Variants in CDH7 observed in about 807,000 individuals in gnomAD.
CDH7 encodes cadherin-7.
CDH7 carries 25 observed loss-of-function variants against 71.8 expected under a neutral mutation model. That is an observed-to-expected ratio of 0.35 (90% CI 0.25 to 0.49). The LOEUF is 0.49. Ranked by LOEUF, CDH7 falls within the 20% of genes least tolerant of loss-of-function variation. CDH7 has a pLI of 0.99. For synonymous variants in CDH7, 381 were observed against 363.8 expected, an observed-to-expected ratio of 1.05 and a Z score of -0.54; for missense variants, 862 against 974.6, an observed-to-expected ratio of 0.88 and a Z score of 1.54.
chr18:65,756,557 TAA>T (rs1310209311), intron 1 of CDH7, among the ~76,000 whole-genome samples: 3 of 152,338 alleles, frequency 2.0e-5, no homozygotes, highest in Admixed American at 2.0e-4. Context: ...TGTTATATAT[TAA>T]GTCTATTTCA....
intron 7 of CDH7, among the ~76,000 whole-genome samples, chr18:65,851,264 T>TAC (rs372614434): frequency 2.3e-4 from 35 of 150,958 alleles, no homozygotes; most frequent in East Asian, 1.4e-3. Context: ...CTTACAGCAA[T>TAC]ACACACACAC....
chr18:65,845,928 CT>C (rs1470607085), intron 7 of CDH7, among the ~76,000 whole-genome samples: 1 of 151,832 alleles, frequency 6.6e-6, no homozygotes, highest in Non-Finnish European at 1.5e-5. Flanking sequence ...AGTGAGACCC[CT>C]GTCTCTAAAA....
Position 65,855,471 on chromosome 18 carries a change from T to A in CDH7, c.1236-2345T>A, listed in dbSNP as rs548461749. Reference sequence around the variant, plus strand: ...TAAACAAATCTACTGACATAAGTTTTATAATTTCAATGAAATTAGGCAATT... The same window carrying A: ...TAAACAAATCTACTGACATAAGTTTAATAATTTCAATGAAATTAGGCAATT... On this transcript the variant is annotated intron_variant, in intron 7 of 11. Coordinates refer to ENST00000397968, the MANE Select transcript of CDH7 (RefSeq NM_004361.5). Among the ~76,000 whole-genome samples the A allele has an allele frequency of 2.6e-5, 4 of 152,136 alleles. No homozygotes were observed. In the East Asian group the frequency reaches 7.7e-4, roughly 29 times the overall value.
At chr18:65,805,683 C>T (rs143466017) in intron 2 of CDH7, among the ~76,000 whole-genome samples, 3 of 152,294 alleles carry the variant, frequency 2.0e-5, no homozygotes, top group South Asian at 2.1e-4. Flanking sequence ...GCTGGACCAT[C>T]GGGAAGCTCC....
At chr18:65,815,817 T>C (rs760230702) in intron 4 of CDH7, among the ~76,000 whole-genome samples, 1 of 152,194 alleles carries the variant, frequency 6.6e-6, no homozygotes, top group Non-Finnish European at 1.5e-5. Context: ...GACTGAATGA[T>C]AGATCTGAGA....
intron 2 of CDH7, among the ~76,000 whole-genome samples, chr18:65,802,926 C>T (rs4633822): frequency 0.59 from 90,078 of 151,510 alleles, 28,654 homozygotes; most frequent in East Asian, 0.97. Flanking sequence ...ATGTCATAGG[C>T]ACAGATCCTT....
chr18:65,888,525 A>T lies in CDH7; in HGVS notation c.*7631A>T, dbSNP rs928582295. On this transcript the variant is annotated 3_prime_UTR_variant, in exon 12 of 12. Coordinates refer to ENST00000397968, the MANE Select transcript of CDH7 (RefSeq NM_004361.5). ...CAACTCGGTACAGAAAATGAGTATC[A>T]TTGTAATTAAAGTTTGATATTTTCT... 1 of 152,118 alleles carries T rather than the reference A, an allele frequency of 6.6e-6. No homozygotes were observed. The highest frequency in any genetic ancestry group is 1.5e-5 in the Non-Finnish European group (1 of 68,020). The allele number at this position is 152,118 out of a possible 1,614,324, so 9.4% of individuals were successfully genotyped here.
rs1555680614 is a variant in CDH7, at chr18:65,763,594, G to GTGTGT, written c.210+542_210+543insTGTGT. Reference sequence around the variant, plus strand: ...CTTAGCAGTCTTGTTTTGATAGGGGGGTGTGTGTGTGTGTGTGTGTGTGTG... The same window carrying GTGTGT: ...CTTAGCAGTCTTGTTTTGATAGGGGGTGTGTGTGTGTGTGTGTGTGTGTGTGTGTG... On this transcript the variant is annotated intron_variant, in intron 2 of 11. Transcript: ENST00000397968. 7.4e-3 allele frequency among the ~76,000 whole-genome samples: 735 copies of GTGTGT among 99,198 alleles called. 7 individuals are homozygous for GTGTGT. Among genetic ancestry groups the GTGTGT allele is most frequent in the African/African-American group, 0.031 (662 of 21,430 alleles). The allele number at this position is 99,198 out of a possible 152,430, so 65.1% of individuals were successfully genotyped here.
chr18:65,823,389 C>T (rs1912008880), intron 5 of CDH7, among the ~76,000 whole-genome samples: 1 of 151,820 alleles, frequency 6.6e-6, no homozygotes, highest in African/African-American at 2.4e-5. Flanking sequence ...AAATGAACTG[C>T]TTTCCTTTTG....
intron 2 of CDH7, among the ~76,000 whole-genome samples, chr18:65,781,023 A>G (rs932596450): frequency 6.7e-6 from 1 of 148,876 alleles, no homozygotes; most frequent in South Asian, 2.1e-4. Flanking sequence ...CTTGAGTCGC[A>G]TATGTTCTTC....
chr18:65,799,492 G>A (rs1353862943), intron 2 of CDH7, among the ~76,000 whole-genome samples: 8 of 152,106 alleles, frequency 5.3e-5, no homozygotes, highest in South Asian at 2.1e-4. Flanking sequence ...CCTGGCTAAA[G>A]AGGTGAAACC....
At chr18:65,845,098 G>A (rs966804038) in intron 7 of CDH7, among the ~76,000 whole-genome samples, 12 of 150,244 alleles carry the variant, frequency 8.0e-5, no homozygotes, top group African/African-American at 2.5e-4. Flanking sequence ...TTAAAAAGCC[G>A]ATAATGTTGT....
rs9960374 is a variant in CDH7 at position 65,871,492 on chromosome 18, C to T, written c.1864+8575C>T. On this transcript the variant is annotated intron_variant, in intron 11 of 11. Coordinates refer to ENST00000397968, the MANE Select transcript of CDH7 (RefSeq NM_004361.5). ...TAGGCAGGAGCCATGGGCTGAGGGACGGGACTTGAGGCATATTCTTGGTTA... is the reference window on the plus strand; with the variant it reads ...TAGGCAGGAGCCATGGGCTGAGGGATGGGACTTGAGGCATATTCTTGGTTA... Among the ~76,000 whole-genome samples the T allele has an allele frequency of 2.1e-3, 319 of 152,078 alleles. 4 individuals carry two copies. Among genetic ancestry groups the T allele is most frequent in the African/African-American group, 7.0e-3 (291 of 41,510 alleles).
chr18:65,883,215 A>G lies in CDH7; in HGVS notation c.*2321A>G, dbSNP rs1452597553. ...ATGAATACAGTATTACATTTCATTC[A>G]GTGGTATTTTTTAATTAAAAAAATT... On this transcript the variant is annotated 3_prime_UTR_variant, in exon 12 of 12. Coordinates refer to ENST00000397968, the MANE Select transcript of CDH7 (RefSeq NM_004361.5). The G allele has an allele frequency of 6.6e-6, 1 of 152,008 alleles. No homozygotes were observed. The highest frequency in any genetic ancestry group is 1.5e-5 in the Non-Finnish European group (1 of 67,942). The allele number at this position is 152,008 out of a possible 1,614,324, so 9.4% of individuals were successfully genotyped here. A position where few individuals can be genotyped will look rare whatever the true frequency, so the allele number is the denominator to read the frequency against.
intron 2 of CDH7, among the ~76,000 whole-genome samples, chr18:65,791,465 G>A (rs149310118): frequency 1.9e-4 from 29 of 152,242 alleles, no homozygotes; most frequent in African/African-American, 6.7e-4. Flanking sequence ...AGGAAGCATC[G>A]TTATCACTAG....
At chr18:65,875,746 G>A (rs1350102674) in intron 11 of CDH7, among the ~76,000 whole-genome samples, 1 of 152,082 alleles carries the variant, frequency 6.6e-6, no homozygotes, top group Non-Finnish European at 1.5e-5. Context: ...AGACCAGCCT[G>A]GGCAATATGG....
In CDH7 at chr18:65,824,788, C is replaced by G. The variant is rs768199108; in HGVS notation, c.938C>G (p.Ser313Cys). ...DGDGLGIFKI[S>C]VDKETQEGII... The stretch of plus-strand genomic sequence containing the variant: ...GATGGTTTGGGCATTTTTAAGATTT[C>G]TGTTGACAAAGAAACCCAGGAAGGA... The change falls in exon 6 of 12, where the codon TCT (serine) becomes TGT (cysteine). Residue 313 changes from serine (S) to cysteine (C), a missense_variant. Ser to Cys is a moderately radical substitution (Grantham distance 112). Coordinates refer to ENST00000397968, the MANE Select transcript of CDH7 (RefSeq NM_004361.5). The G allele has an allele frequency of 3.7e-6, 6 of 1,612,180 alleles. No individual in the cohort carries two copies. The highest frequency in any genetic ancestry group is 5.1e-6 in the Non-Finnish European group (6 of 1,178,640).
intron 2 of CDH7, among the ~76,000 whole-genome samples, chr18:65,765,488 G>T (rs1312364636): frequency 6.7e-6 from 1 of 149,740 alleles, no homozygotes. Context: ...GTTTTGGGAG[G>T]TGATGTCTGT....
chr18:65,880,219 T>A (rs1914180657), intron 11 of CDH7, among the ~76,000 whole-genome samples, 182 bp from the exon 12 acceptor site: 1 of 152,164 alleles, frequency 6.6e-6, no homozygotes, highest in African/African-American at 2.4e-5. Context: ...TGTTCTAATT[T>A]AAAGCCACTT....
Sources: gnomAD v4.1 joint callset for allele counts (sites outside exome capture counted in the v4.1 genomes callset) on GRCh38, gnomAD v4.1.1 for gene constraint, MANE v1.5 for transcripts, NCBI Gene and HGNC (gene_info 2026-07-23, HGNC 2026-07-21) for gene names.